The following FRMD6 variants were observed in gnomAD, a reference collection of about 807,000 sequenced individuals.
The protein encoded by FRMD6 is FERM domain-containing protein 6.
FRMD6 carries 37 observed loss-of-function variants against 73.2 expected under a neutral mutation model. The ratio of observed to expected loss-of-function variants is 0.51; its 90% CI spans 0.39 to 0.66. The LOEUF (loss-of-function observed/expected upper bound fraction) is 0.66, where lower values mean the gene tolerates loss of function less well. Among genes scored for constraint, FRMD6 ranks in the 30% least tolerant of loss-of-function variants. The probability of loss-of-function intolerance (pLI) is 0.00; values close to 1 mark genes in which losing one functional copy is unlikely to be tolerated. For synonymous variants in FRMD6, 273 were observed against 282.2 expected, an observed-to-expected ratio of 0.97 and a Z score of 0.33; for missense variants, 714 against 780.5, an observed-to-expected ratio of 0.91 and a Z score of 1.02.
In FRMD6 at chr14:51,711,902, G is replaced by A. The variant is rs146346822; in HGVS notation, c.780+306G>A. Among the ~76,000 whole-genome samples, 87 of 152,336 alleles carry A rather than the reference G, an allele frequency of 5.7e-4. 2 individuals are homozygous for A. In the East Asian group the frequency reaches 0.014, roughly 24 times the overall value. On this transcript the variant is annotated intron_variant, in intron 8 of 13. Transcript: ENST00000344768. ...ATCATTAATATCCAAACGTTTCTGTGTGTCAGTGATTTTAAATATTCTTTT... is the reference window on the plus strand; with the variant it reads ...ATCATTAATATCCAAACGTTTCTGTATGTCAGTGATTTTAAATATTCTTTT...
chr14:51,483,205 C>T, the FRMD6 span, among the ~76,000 whole-genome samples: 2 of 152,150 alleles, frequency 1.3e-5, no homozygotes, highest in African/African-American at 2.4e-5. Context: ...TCAGTAAATA[C>T]GTATTGCATA....
chr14:51,510,450 G>C (rs572661089), intron 1 of FRMD6, among the ~76,000 whole-genome samples: 1 of 151,974 alleles, frequency 6.6e-6, no homozygotes, highest in Admixed American at 6.5e-5. Flanking sequence ...CAGGAACTTG[G>C]TTCCCTATTT....
the FRMD6 span, among the ~76,000 whole-genome samples, chr14:51,423,190 G>A: frequency 6.6e-6 from 1 of 152,130 alleles, no homozygotes; most frequent in Non-Finnish European, 1.5e-5. Flanking sequence ...CTCAGGATAT[G>A]GTCACTTTAT....
At chr14:51,627,476 G>C (rs1891162445) in intron 2 of FRMD6, among the ~76,000 whole-genome samples, 1 of 152,200 alleles carries the variant, frequency 6.6e-6, no homozygotes, top group South Asian at 2.1e-4. Context: ...ACAGGTGACT[G>C]AGGGACCAAG....
At chr14:51,556,802 C>A (rs1425063236) in intron 1 of FRMD6, among the ~76,000 whole-genome samples, 1 of 151,512 alleles carries the variant, frequency 6.6e-6, no homozygotes, top group Non-Finnish European at 1.5e-5. Flanking sequence ...GCCCCTGTCT[C>A]CTTCTCTACC....
At chr14:51,439,044 C>T in the FRMD6 span, among the ~76,000 whole-genome samples, 2 of 152,264 alleles carry the variant, frequency 1.3e-5, no homozygotes, top group Non-Finnish European at 2.9e-5. Flanking sequence ...AGAGAAGAAG[C>T]GTAATGCGGA....
At chr14:51,534,194 C>T (rs1885756630) in intron 1 of FRMD6, among the ~76,000 whole-genome samples, 2 of 152,212 alleles carry the variant, frequency 1.3e-5, no homozygotes, top group South Asian at 4.1e-4. Flanking sequence ...TCAATTCATT[C>T]TAAAGTCTAC....
Position 51,722,037 on chromosome 14 carries a change from C to T in FRMD6, c.1449C>T (p.Ile483=), listed in dbSNP as rs1276384078. The change falls in exon 12 of 14, where the codon ATC becomes ATT. Residue 483 remains isoleucine (I), a synonymous_variant. Coordinates refer to ENST00000344768, the MANE Select transcript of FRMD6 (RefSeq NM_001267046.2). ...TCAGCCCAGACATGTGCATCTACATCACAGAGGACATGCTCATGTCGCGGA... is the reference window on the plus strand; with the variant it reads ...TCAGCCCAGACATGTGCATCTACATTACAGAGGACATGCTCATGTCGCGGA... ...LEVSPDMCIY[I]TEDMLMSRKL... 1 of 1,613,948 alleles carries T rather than the reference C, an allele frequency of 6.2e-7. No homozygotes were observed. Among genetic ancestry groups the T allele is most frequent in the Non-Finnish European group, 8.5e-7 (1 of 1,179,982 alleles).
intron 1 of FRMD6, among the ~76,000 whole-genome samples, chr14:51,514,895 C>A: frequency 6.6e-6 from 1 of 152,126 alleles, no homozygotes; most frequent in East Asian, 1.9e-4. Flanking sequence ...AGAAAGGAAG[C>A]AATATGCGAT....
At chr14:51,466,194 T>C in the FRMD6 span, among the ~76,000 whole-genome samples, 1 of 152,346 alleles carries the variant, frequency 6.6e-6, no homozygotes, top group East Asian at 1.9e-4. Flanking sequence ...TTTATATAGA[T>C]TGCAAATATT....
chr14:51,704,952 A>T lies in FRMD6; in HGVS notation c.558+17A>T. On this transcript the variant is annotated intron_variant, in intron 6 of 13. Transcript: ENST00000344768. The stretch of plus-strand genomic sequence containing the variant: ...CCATCTTGGGTAAGCACTGTTTTCA[A>T]ATTCGAAAGAGTGTTTTCTCTCGGG... The T allele has an allele frequency of 1.9e-6, 3 of 1,587,224 alleles. No homozygotes were observed. The South Asian group carries it at 3.3e-5, about 18-fold the overall frequency.
the FRMD6 span, among the ~76,000 whole-genome samples, chr14:51,403,204 A>T: frequency 7.8e-4 from 119 of 152,320 alleles, 1 homozygote; most frequent in African/African-American, 2.8e-3. Flanking sequence ...TCATCCTTTA[A>T]GTCCTCTGTA....
At chr14:51,659,750 C>G (rs1893081601) in intron 1 of FRMD6, among the ~76,000 whole-genome samples, 1 of 152,160 alleles carries the variant, frequency 6.6e-6, no homozygotes, top group South Asian at 2.1e-4. Context: ...CTCATGTTCC[C>G]TGTATGGCTT....
chr14:51,671,757 G>A (rs1894024626), intron 1 of FRMD6, among the ~76,000 whole-genome samples: 3 of 152,182 alleles, frequency 2.0e-5, no homozygotes, highest in Admixed American at 6.5e-5. Flanking sequence ...TTTAAGAAGA[G>A]ACTAGCAAAT....
chr14:51,569,577 C>T (rs1315011126), intron 1 of FRMD6, among the ~76,000 whole-genome samples: 1 of 144,084 alleles, frequency 6.9e-6, no homozygotes, highest in East Asian at 2.1e-4. Flanking sequence ...GAACACAGCT[C>T]ATTGCAGACT....
At chr14:51,438,996 G>A in the FRMD6 span, among the ~76,000 whole-genome samples, 1 of 152,216 alleles carries the variant, frequency 6.6e-6, no homozygotes, top group Non-Finnish European at 1.5e-5. Flanking sequence ...TCTGGGTGGG[G>A]TAATGGACTC....
At chr14:51,702,621 T>C (rs757230187) in intron 5 of FRMD6, 33 bp downstream of exon 5, 2 of 1,545,530 alleles carry the variant, frequency 1.3e-6, no homozygotes, top group South Asian at 1.1e-5. Context: ...TAAACGCTTT[T>C]TTTTCCCCCA....
chr14:51,691,585 TTGA>T (rs1162068224), intron 2 of FRMD6, among the ~76,000 whole-genome samples: 13,335 of 120,224 alleles, frequency 0.11, 1,273 homozygotes, highest in Non-Finnish European at 0.16. Flanking sequence ...TATTTTGATT[TTGA>T]TTTTTTTTTT....
intron 7 of FRMD6, among the ~76,000 whole-genome samples, chr14:51,710,335 AGACAAAG>A (rs1357727765): frequency 6.6e-6 from 1 of 152,160 alleles, no homozygotes; most frequent in Non-Finnish European, 1.5e-5. Flanking sequence ...GAAATAAGGT[AGACAAAG>A]GACAAGGGAA....
Sources: allele counts gnomAD v4.1 joint callset (sites outside exome capture counted in the v4.1 genomes callset), GRCh38; gene constraint gnomAD v4.1.1; transcripts MANE v1.5; gene names NCBI Gene and HGNC (gene_info 2026-07-23, HGNC 2026-07-21).